APBA1: variants seen among roughly 807,000 people sequenced by gnomAD.
APBA1 encodes the protein amyloid beta precursor protein binding family A member 1, also known as amyloid-beta A4 precursor protein-binding family A member 1.
APBA1 carries 55 observed loss-of-function variants against 86.6 expected under a neutral mutation model. That is an observed-to-expected ratio of 0.64 (90% confidence interval 0.51 to 0.80). The LOEUF is 0.80. Among genes scored for constraint, APBA1 ranks in the 30% least tolerant of loss-of-function variants. APBA1 has a pLI of 0.00. For missense variants in APBA1, 1,090 were observed against 1,183.0 expected, an observed-to-expected ratio of 0.92 and a Z score of 1.15; for synonymous variants, 511 against 493.9, an observed-to-expected ratio of 1.03 and a Z score of -0.46.
In APBA1 at chr9:69,516,419, G is replaced by A. The variant is rs140667557; in HGVS notation, c.792C>T (p.Tyr264=). The A allele has an allele frequency of 1.1e-5, 18 of 1,604,884 alleles. No homozygotes were observed. The African/African-American group carries it at 2.0e-4, about 18-fold the overall frequency. The stretch of plus-strand genomic sequence containing the variant: ...TCTGGTCGATGTCCTCCTCCTGCTC[G>A]TAGCTGTCCATGCGCGGGTAGGGCG... ...EFAPYPRMDS[Y]EQEEDIDQIV... Residue 264 remains tyrosine (Y), a synonymous_variant, in exon 2 of 13, where the codon TAC becomes TAT. Coordinates refer to ENST00000265381, the MANE Select transcript of APBA1 (RefSeq NM_001163.4). The surrounding 1 kb of genome is among the most constrained non-coding windows in gnomAD (Gnocchi z 7.3).
At position 69,456,344 on chromosome 9, in the gene APBA1, G is replaced by A; in HGVS notation, c.1691C>T (p.Pro564Leu). 1 of 1,614,154 alleles carries A rather than the reference G, an allele frequency of 6.2e-7. No homozygotes were observed. The highest frequency in any genetic ancestry group is 1.3e-5 in the African/African-American group (1 of 75,054). The change falls in exon 8 of 13, where the codon CCT becomes CTT. Residue 564 changes from proline to leucine, a missense_variant. Physicochemically the swap from Pro to Leu is moderately conservative, Grantham distance 98 (BLOSUM62 -3). Transcript: ENST00000265381. ...IVVLMARRRM[P>L]RSNSQENVEA... ...CACGTTCTCCTGGGAGTTGGAGCGA[G>A]GCATCCGCCGGCGGGCCATCAGCAC...
rs1834539521 is a variant in APBA1, at chr9:69,428,948, G to C, written c.*2379C>G. On this transcript the variant is annotated 3_prime_UTR_variant, in exon 13 of 13. Coordinates refer to ENST00000265381, the MANE Select transcript of APBA1 (RefSeq NM_001163.4). ...TGTCAGTCCTCTAGGAGAGCTTGCA[G>C]AATTGGCTTTTTCAGCACCTCTCAA... is the stretch of plus-strand genomic sequence containing the variant. 1 of 152,242 alleles carries C rather than the reference G, an allele frequency of 6.6e-6. No individual in the cohort carries two copies. The highest frequency in any genetic ancestry group is 1.5e-5 in the Non-Finnish European group (1 of 68,042). 9.4% of individuals were successfully genotyped at this position (152,242 alleles called of 1,614,324 possible). A position where few individuals can be genotyped will look rare whatever the true frequency, so the allele number is the denominator to read the frequency against.
chr9:69,484,983 C>CT (rs35896934), intron 2 of APBA1, among the ~76,000 whole-genome samples: 10,175 of 145,006 alleles, frequency 0.07, 385 homozygotes, highest in East Asian at 0.099. Context: ...AACTGAAAAA[C>CT]TTTTTTTTTT....
chr9:69,529,605 T>A (rs2133904573), intron 1 of APBA1, among the ~76,000 whole-genome samples: 1 of 152,302 alleles, frequency 6.6e-6, no homozygotes, highest in East Asian at 1.9e-4. Context: ...AATTTCATTT[T>A]GGCTCCCAAT....
intron 10 of APBA1, among the ~76,000 whole-genome samples, chr9:69,447,756 T>G (rs1834934864): frequency 6.6e-6 from 1 of 152,192 alleles, no homozygotes; most frequent in African/African-American, 2.4e-5. Context: ...CACAGAATGC[T>G]GCCCCGAAGG....
intron 1 of APBA1, among the ~76,000 whole-genome samples, chr9:69,554,746 A>G: frequency 6.6e-6 from 1 of 152,076 alleles, no homozygotes. Flanking sequence ...CTCTCAAATA[A>G]GCACACACTT....
intron 1 of APBA1, among the ~76,000 whole-genome samples, chr9:69,629,051 C>T (rs1017223050): frequency 6.6e-5 from 10 of 152,180 alleles, no homozygotes; most frequent in Middle Eastern, 3.4e-3. Flanking sequence ...AAATTAACCA[C>T]GTAAGATTCC....
chr9:69,630,046 A>T (rs1219918467), intron 1 of APBA1, among the ~76,000 whole-genome samples: 1 of 137,560 alleles, frequency 7.3e-6, no homozygotes, highest in East Asian at 2.2e-4. Flanking sequence ...CATGTAAAAA[A>T]GGTAATATGT....
Position 69,546,960 on chromosome 9 carries a change from A to G in APBA1, c.-69-29681T>C, listed in dbSNP as rs79386813. On this transcript the variant is annotated intron_variant, in intron 1 of 12. Coordinates refer to ENST00000265381, the MANE Select transcript of APBA1 (RefSeq NM_001163.4). ...ACGGCAGTTTAAAAGTGTTACGCATACATTTAAAACTACTTCTGTTTTGAA... is the reference window on the plus strand; with the variant it reads ...ACGGCAGTTTAAAAGTGTTACGCATGCATTTAAAACTACTTCTGTTTTGAA... Among the ~76,000 whole-genome samples the G allele has an allele frequency of 4.6e-5, 7 of 152,370 alleles. No homozygotes were observed. The East Asian group carries it at 1.3e-3, about 29-fold the overall frequency.
At chr9:69,528,632 C>T (rs866418941) in intron 1 of APBA1, among the ~76,000 whole-genome samples, 1 of 151,882 alleles carries the variant, frequency 6.6e-6, no homozygotes, top group Non-Finnish European at 1.5e-5. Flanking sequence ...GTTACAATCC[C>T]TTTTTTATGC....
intron 1 of APBA1, among the ~76,000 whole-genome samples, chr9:69,571,691 C>T (rs1837117246): frequency 1.3e-5 from 2 of 152,094 alleles, no homozygotes; most frequent in Admixed American, 6.5e-5. Flanking sequence ...AAATTTTTTT[C>T]TGTTTCTAGT....
chr9:69,462,569 CTAGT>C (rs1222980493), intron 5 of APBA1: 2 of 152,176 alleles, frequency 1.3e-5, no homozygotes, highest in Non-Finnish European at 2.9e-5. Context: ...ATGGGAGCTG[CTAGT>C]TAAAGTGAAT....
intron 1 of APBA1, among the ~76,000 whole-genome samples, chr9:69,549,423 G>A (rs1216610474): frequency 6.6e-6 from 1 of 152,116 alleles, no homozygotes; most frequent in Non-Finnish European, 1.5e-5. Flanking sequence ...ACTTTTTGTC[G>A]TCTTGCCCTC....
chr9:69,515,712 T>C (rs1477395930), intron 2 of APBA1, among the ~76,000 whole-genome samples: 8 of 86,744 alleles, frequency 9.2e-5, no homozygotes, highest in Non-Finnish European at 1.6e-4. Context: ...GGGCGGGGGG[T>C]GGAGGGCGAT....
chr9:69,566,757 T>C (rs1837033250), intron 1 of APBA1, among the ~76,000 whole-genome samples: 1 of 152,132 alleles, frequency 6.6e-6, no homozygotes, highest in Non-Finnish European at 1.5e-5. Context: ...GCGTCTTCAA[T>C]GCTGGCTCCC....
intron 1 of APBA1, among the ~76,000 whole-genome samples, chr9:69,612,411 TTAAATGTCTGGG>T (rs1329245966): frequency 6.6e-6 from 1 of 152,062 alleles, no homozygotes; most frequent in Admixed American, 6.5e-5. Flanking sequence ...TAGATACTCA[TTAAATGTCTGGG>T]TAAATTCCTA....
intron 1 of APBA1, among the ~76,000 whole-genome samples, chr9:69,647,410 T>C (rs1455888297): frequency 6.6e-6 from 1 of 152,150 alleles, no homozygotes; most frequent in South Asian, 2.1e-4. Flanking sequence ...ATTCAAGCCA[T>C]AAAAACACAC....
chr9:69,432,645 T>A lies in APBA1; in HGVS notation c.2333A>T (p.Glu778Val). 1 of 1,601,350 alleles carries A rather than the reference T, an allele frequency of 6.2e-7. No individual in the cohort carries two copies. Among genetic ancestry groups the A allele is most frequent in the Non-Finnish European group, 8.5e-7 (1 of 1,175,004 alleles). ...ICSLMRGGIA[E>V]RGGVRVGHRI... ...GTGCCCCACACGGACGCCTCCTCTC[T>A]CAGCTATTCCCCCTCGCATGAGGCT... Residue 778 changes from glutamate to valine, a missense_variant, in exon 12 of 13, where the codon GAG (glutamate) becomes GTG (valine). This residue lies in a region of APBA1 where 119 missense variants were observed against 124.8 expected (regional missense o/e 0.95). Coordinates refer to ENST00000265381, the MANE Select transcript of APBA1 (RefSeq NM_001163.4).
chr9:69,634,089 C>T (rs565668512), intron 1 of APBA1, among the ~76,000 whole-genome samples: 1 of 152,264 alleles, frequency 6.6e-6, no homozygotes, highest in Admixed American at 6.5e-5. Context: ...GACGAGCAAT[C>T]AAAATATCTG....
Sources: allele counts gnomAD v4.1 joint callset (sites outside exome capture counted in the v4.1 genomes callset), GRCh38; gene constraint gnomAD v4.1.1; regional missense constraint gnomAD v4.1.1; non-coding constraint Gnocchi (gnomAD v3.1); transcripts MANE v1.5; gene names NCBI Gene and HGNC (gene_info 2026-07-23, HGNC 2026-07-21).